PLEKHA7: variants seen among roughly 807,000 people sequenced by gnomAD.
PLEKHA7 encodes pleckstrin homology domain containing A7, also known as pleckstrin homology domain-containing family A member 7.
Under a neutral mutation model 170.0 loss-of-function variants are expected in PLEKHA7, and 104 were observed. The ratio of observed to expected loss-of-function variants is 0.61; its 90% CI spans 0.52 to 0.72. PLEKHA7 has a LOEUF of 0.72. Ranked by LOEUF, PLEKHA7 falls within the 30% of genes least tolerant of loss-of-function variation. PLEKHA7 has a pLI of 0.00. For synonymous variants in PLEKHA7, 648 were observed against 660.8 expected (o/e 0.98, Z 0.30); for missense variants, 1,615 against 1,671.7 (o/e 0.97, Z 0.59).
chr11:16,971,546 T>C (rs1251097478), intron 3 of PLEKHA7, among the ~76,000 whole-genome samples: 2 of 152,198 alleles, frequency 1.3e-5, no homozygotes, highest in Non-Finnish European at 2.9e-5. Context: ...TAATGGAAGC[T>C]GTTATTACTA....
chr11:16,842,479 A>G (rs893424568), intron 8 of PLEKHA7: 1 of 151,754 alleles, frequency 6.6e-6, no homozygotes, highest in Non-Finnish European at 1.5e-5. Context: ...GAACCTCCAA[A>G]CAAGCTCTCA....
chr11:16,937,615 C>T (rs1308251612), intron 3 of PLEKHA7, among the ~76,000 whole-genome samples: 4 of 145,130 alleles, frequency 2.8e-5, no homozygotes, highest in Non-Finnish European at 6.1e-5. Flanking sequence ...TTTTTCTTTT[C>T]TTTTTTTTTT....
chr11:16,900,829 A>G (rs1172258360), intron 3 of PLEKHA7, among the ~76,000 whole-genome samples: 1 of 151,862 alleles, frequency 6.6e-6, no homozygotes, highest in African/African-American at 2.4e-5. Context: ...GTGGCATAAC[A>G]TGTGGAAGTC....
intron 3 of PLEKHA7, among the ~76,000 whole-genome samples, chr11:16,966,290 ATGTGTGTGTGTGTGTGTGTGTGTG>A (rs112176840): frequency 6.7e-6 from 1 of 149,026 alleles, no homozygotes; most frequent in East Asian, 2.0e-4. Context: ...TTGTGCATGT[ATGTGTGTGTGTGTGTGTGTGTGTG>A]TGTGTGTGTG....
At chr11:16,908,099 C>T (rs1432488086) in intron 3 of PLEKHA7, among the ~76,000 whole-genome samples, 732 of 149,642 alleles carry the variant, frequency 4.9e-3, no homozygotes, top group African/African-American at 0.018. Flanking sequence ...ACTCCCTAAT[C>T]TCAAGTACCC....
At chr11:16,987,932 C>G (rs1863830814) in intron 3 of PLEKHA7, among the ~76,000 whole-genome samples, 1 of 152,224 alleles carries the variant, frequency 6.6e-6, no homozygotes, top group African/African-American at 2.4e-5. Flanking sequence ...TCTAAAATAC[C>G]TGGCATGGCA....
At chr11:16,909,973 G>A (rs182356910) in intron 3 of PLEKHA7, among the ~76,000 whole-genome samples, 2 of 152,060 alleles carry the variant, frequency 1.3e-5, no homozygotes, top group Admixed American at 6.5e-5. Context: ...AAAGAGATAC[G>A]GCAATGGCCA....
chr11:16,906,250 GGAAGGAA>G (rs1857664609), intron 3 of PLEKHA7, among the ~76,000 whole-genome samples: 1 of 111,044 alleles, frequency 9.0e-6, no homozygotes, highest in Non-Finnish European at 2.0e-5. Flanking sequence ...AAGGAAGGAA[GGAAGGAA>G]GGAAGGAAGG....
chr11:16,791,266 G>T lies in PLEKHA7; in HGVS notation c.2746-67C>A. On this transcript the variant is annotated intron_variant, in intron 19 of 26. Coordinates refer to ENST00000531066, the MANE Select transcript of PLEKHA7 (RefSeq NM_001329630.2). This position sits in a 1 kb window ranked among gnomAD's most constrained non-coding sequence, Gnocchi z 4.5. Reference sequence around the variant, plus strand: ...GCTGGAGGGAGGACTGCTAGGTACTGCCACAGTGGAGGTTTAAAGGGTAGG... The same window carrying T: ...GCTGGAGGGAGGACTGCTAGGTACTTCCACAGTGGAGGTTTAAAGGGTAGG... 1 of 1,431,470 alleles carries T rather than the reference G, an allele frequency of 7.0e-7. No individual in the cohort carries two copies. The highest frequency in any genetic ancestry group is 9.4e-7 in the Non-Finnish European group (1 of 1,061,100). 88.7% of individuals were successfully genotyped at this position (1,431,470 alleles called of 1,614,324 possible).
At chr11:16,870,284 A>AC (rs764215025) in intron 4 of PLEKHA7, among the ~76,000 whole-genome samples, 2 of 151,776 alleles carry the variant, frequency 1.3e-5, no homozygotes, top group Non-Finnish European at 2.9e-5. Flanking sequence ...CTGAGGGTAC[A>AC]CCCCCTACCC....
At chr11:16,993,461 T>C (rs907097344) in intron 3 of PLEKHA7, among the ~76,000 whole-genome samples, 27 of 152,118 alleles carry the variant, frequency 1.8e-4, no homozygotes, top group African/African-American at 6.3e-4. Context: ...ATCCCAGCTC[T>C]CTCAGTTCCT....
chr11:16,893,401 A>G (rs540731605), intron 3 of PLEKHA7, among the ~76,000 whole-genome samples: 1 of 152,296 alleles, frequency 6.6e-6, no homozygotes, highest in South Asian at 2.1e-4. Flanking sequence ...TACCTCATCT[A>G]TAAAATGGGA....
intron 10 of PLEKHA7, among the ~76,000 whole-genome samples, chr11:16,820,725 C>T (rs1850145167): frequency 6.6e-6 from 1 of 152,226 alleles, no homozygotes; most frequent in Non-Finnish European, 1.5e-5. Context: ...TGCCTGCCTA[C>T]AGTGCCTGGA....
intron 13 of PLEKHA7, among the ~76,000 whole-genome samples, chr11:16,805,789 CAAA>C (rs11339921): frequency 3.6e-5 from 4 of 111,214 alleles, no homozygotes; most frequent in Non-Finnish European, 3.7e-5. Context: ...GACTCCATGT[CAAA>C]AAAAAAAAAA....
intron 3 of PLEKHA7, among the ~76,000 whole-genome samples, chr11:16,996,348 A>C (rs1864336275): frequency 1.3e-5 from 2 of 152,184 alleles, no homozygotes; most frequent in Admixed American, 1.3e-4. Context: ...AGTCTGGTCA[A>C]AGGCCCTCAA....
At chr11:16,888,943 A>T (rs1315781634) in intron 3 of PLEKHA7, among the ~76,000 whole-genome samples, 1 of 37,084 alleles carries the variant, frequency 2.7e-5, no homozygotes, top group African/African-American at 1.1e-4. Context: ...CTAAAAATTA[A>T]AAAAAAAAAA....
chr11:16,886,051 CTG>C (rs901138601), intron 3 of PLEKHA7, among the ~76,000 whole-genome samples: 4 of 151,986 alleles, frequency 2.6e-5, no homozygotes, highest in African/African-American at 9.7e-5. Flanking sequence ...AGCCAACAGA[CTG>C]TTTCTTCCAC....
intron 3 of PLEKHA7, 124 bp downstream of exon 3, chr11:17,013,865 G>T: frequency 8.6e-7 from 1 of 1,156,944 alleles, no homozygotes; most frequent in Non-Finnish European, 1.1e-6. Context: ...GTGTGGCCGC[G>T]GCGCAGCGCG....
In PLEKHA7 at chr11:16,871,093, A is replaced by C; in HGVS notation, c.305+6T>G. On this transcript the variant is annotated splice_donor_region_variant and intron_variant, in intron 4 of 26. Coordinates refer to ENST00000531066, the MANE Select transcript of PLEKHA7 (RefSeq NM_001329630.2). ...CCAGATAAGGAGAATACATAAAAAGACTTACTCTTCTTGAAGAATGAATTC... is the reference window on the plus strand; with the variant it reads ...CCAGATAAGGAGAATACATAAAAAGCCTTACTCTTCTTGAAGAATGAATTC... The C allele has an allele frequency of 6.3e-7, 1 of 1,578,620 alleles. No homozygotes were observed. Among genetic ancestry groups the C allele is most frequent in the Non-Finnish European group, 8.7e-7 (1 of 1,148,168 alleles).
Sources: gnomAD v4.1 joint callset for allele counts (sites outside exome capture counted in the v4.1 genomes callset) on GRCh38, gnomAD v4.1.1 for gene constraint, Gnocchi (gnomAD v3.1) non-coding constraint, MANE v1.5 for transcripts, NCBI Gene and HGNC (gene_info 2026-07-23, HGNC 2026-07-21) for gene names.